The following PCDHGA2 variants were observed in gnomAD, a reference collection of about 807,000 sequenced individuals.
PCDHGA2 encodes protocadherin gamma subfamily A, 2, also known as protocadherin gamma-A2.
Under a neutral mutation model 59.2 loss-of-function variants are expected in PCDHGA2, and 40 were observed. That is an observed-to-expected ratio of 0.68 (90% confidence interval 0.52 to 0.88). PCDHGA2 has a LOEUF of 0.88. Ranked by LOEUF, PCDHGA2 falls within the 40% of genes least tolerant of loss-of-function variation. PCDHGA2 has a pLI of 0.00. For synonymous variants in PCDHGA2, 560 were observed against 526.0 expected (o/e 1.06, Z -0.89); for missense variants, 1,226 against 1,204.0 (o/e 1.02, Z -0.27).
chr5:141,343,199 C>T, intron 1 of PCDHGA2: 2 of 633,532 alleles, frequency 3.2e-6, no homozygotes, highest in Non-Finnish European at 2.0e-6. Context: ...TTGTCTGATG[C>T]CTAATTATGT....
intron 3 of PCDHGA2, among the ~76,000 whole-genome samples, chr5:141,509,262 ACT>A (rs761383166): frequency 9.2e-5 from 14 of 151,714 alleles, no homozygotes; most frequent in Non-Finnish European, 1.9e-4. Flanking sequence ...GGCTTTAGTC[ACT>A]CTCGCTACCC....
intron 2 of PCDHGA2, among the ~76,000 whole-genome samples, chr5:141,500,399 C>T (rs966328306): frequency 1.3e-5 from 2 of 151,806 alleles, no homozygotes; most frequent in South Asian, 2.1e-4. Context: ...TTAGTAGAGA[C>T]GGGGTTTCAC....
intron 1 of PCDHGA2, chr5:141,427,797 G>T: frequency 6.6e-7 from 1 of 1,505,306 alleles, no homozygotes; most frequent in Non-Finnish European, 9.1e-7. Flanking sequence ...CTACGTGTCC[G>T]TGAGCGCACA....
At chr5:141,409,652 A>G in intron 1 of PCDHGA2, 1 of 1,613,654 alleles carries the variant, frequency 6.2e-7, no homozygotes, top group Non-Finnish European at 8.5e-7. Flanking sequence ...TTTGGGGCTC[A>G]ATGGCCACAT....
intron 1 of PCDHGA2, 78 bp downstream of exon 1, chr5:141,341,473 G>C: frequency 1.3e-6 from 2 of 1,589,370 alleles, no homozygotes; most frequent in South Asian, 2.3e-5. Flanking sequence ...TATCTATTTT[G>C]TTCCCCATAT....
At chr5:141,374,630 C>T (rs1273504244) in intron 1 of PCDHGA2, 1 of 1,613,140 alleles carries the variant, frequency 6.2e-7, no homozygotes, top group South Asian at 1.1e-5. Flanking sequence ...AGTGGACGTG[C>T]AAAGCGAAGC....
intron 1 of PCDHGA2, chr5:141,423,301 C>T (rs1489674947): frequency 1.9e-6 from 3 of 1,614,150 alleles, no homozygotes; most frequent in East Asian, 4.5e-5. Flanking sequence ...AGACCTCTCG[C>T]TGTACTTGGT....
At position 141,340,558 on chromosome 5, in the gene PCDHGA2, A is replaced by G; in HGVS notation, c.1587A>G (p.Gln529=). ...SFDYEQLRDL[Q]VWVIARDSGN... ...ATTATGAGCAGTTGCGAGACTTGCAAGTGTGGGTGATAGCGCGGGACAGCG... is the reference window on the plus strand; with the variant it reads ...ATTATGAGCAGTTGCGAGACTTGCAGGTGTGGGTGATAGCGCGGGACAGCG... Residue 529 remains glutamine, a synonymous_variant, in exon 1 of 4, where the codon CAA becomes CAG. Coordinates refer to ENST00000394576, the MANE Select transcript of PCDHGA2 (RefSeq NM_018915.4). The G allele has an allele frequency of 1.2e-6, 2 of 1,614,204 alleles. No homozygotes were observed. Among genetic ancestry groups the G allele is most frequent in the South Asian group, 1.1e-5 (1 of 91,076 alleles).
chr5:141,361,214 C>G, intron 1 of PCDHGA2: 1 of 1,613,912 alleles, frequency 6.2e-7, no homozygotes, highest in Non-Finnish European at 8.5e-7. Context: ...CCGGAGGATT[C>G]GCCACCAGGA....
Position 141,389,843 on chromosome 5 carries a change from G to C in PCDHGA2, c.2424+48448G>C, listed in dbSNP as rs372102656. On this transcript the variant is annotated intron_variant, in intron 1 of 3. Coordinates refer to ENST00000394576, the MANE Select transcript of PCDHGA2 (RefSeq NM_018915.4). The stretch of plus-strand genomic sequence containing the variant: ...GTGACGGTGGACAGCCACCACTCTC[G>C]GCCACTGCCACGTTGCACCTGGTCT... 2.4e-5 allele frequency: 39 copies of C among 1,614,016 alleles called. No homozygotes were observed. The African/African-American group carries it at 4.1e-4, about 17-fold the overall frequency.
chr5:141,425,057 C>T (rs926732426), intron 1 of PCDHGA2, among the ~76,000 whole-genome samples: 4 of 152,026 alleles, frequency 2.6e-5, no homozygotes, highest in African/African-American at 4.8e-5. Flanking sequence ...ATCTAGGGCT[C>T]GGACAAAAAT....
At chr5:141,359,202 T>C (rs115467151) in intron 1 of PCDHGA2, among the ~76,000 whole-genome samples, 2 of 152,140 alleles carry the variant, frequency 1.3e-5, no homozygotes, top group African/African-American at 4.8e-5. Context: ...CAAGTGAATG[T>C]TGAGAGACAA....
intron 1 of PCDHGA2, among the ~76,000 whole-genome samples, chr5:141,473,990 G>A (rs988540565): frequency 2.0e-5 from 3 of 152,130 alleles, no homozygotes; most frequent in African/African-American, 7.2e-5. Flanking sequence ...GATCCCTTGA[G>A]CCCAAGGAGC....
Position 141,477,148 on chromosome 5 carries a change from T to A in PCDHGA2, c.2425-17659T>A. 1 of 1,614,172 alleles carries A rather than the reference T, an allele frequency of 6.2e-7. No individual in the cohort carries two copies. Among genetic ancestry groups the A allele is most frequent in the African/African-American group, 1.3e-5 (1 of 75,050 alleles). On this transcript the variant is annotated intron_variant, in intron 1 of 3. Transcript: ENST00000394576. This position sits in a 1 kb window ranked among gnomAD's most constrained non-coding sequence, Gnocchi z 4.9. ...GCAAAGTGTTGGTGGAGGTTGTGGA[T>A]GTGAATGACAACGCCCCGGAGATCA...
At chr5:141,399,833 C>A in intron 1 of PCDHGA2, 1 of 1,613,140 alleles carries the variant, frequency 6.2e-7, no homozygotes, top group Non-Finnish European at 8.5e-7. Context: ...GACGGCTCTG[C>A]GCTCTTCGAT....
chr5:141,365,902 G>A lies in PCDHGA2; in HGVS notation c.2424+24507G>A, dbSNP rs373157726. ...CTCTGAGATCCTTCGACTATGAGCAGTTGAGAGACCTACAGTTGTGGGTGA... is the reference window on the plus strand; with the variant it reads ...CTCTGAGATCCTTCGACTATGAGCAATTGAGAGACCTACAGTTGTGGGTGA... On this transcript the variant is annotated intron_variant, in intron 1 of 3. Coordinates refer to ENST00000394576, the MANE Select transcript of PCDHGA2 (RefSeq NM_018915.4). 22 of 1,614,138 alleles carry A rather than the reference G, an allele frequency of 1.4e-5. No homozygotes were observed. The African/African-American group carries it at 2.9e-4, about 22-fold the overall frequency.
In PCDHGA2 at chr5:141,489,734, A is replaced by G; in HGVS notation, c.2425-5073A>G. The G allele has an allele frequency of 6.2e-7, 1 of 1,614,164 alleles. No individual in the cohort carries two copies. Among genetic ancestry groups the G allele is most frequent in the Non-Finnish European group, 8.5e-7 (1 of 1,180,028 alleles). On this transcript the variant is annotated intron_variant, in intron 1 of 3. Transcript: ENST00000394576. This position sits in a 1 kb window ranked among gnomAD's most constrained non-coding sequence, Gnocchi z 4.5. ...GCCCAGGATCCGGATGTGGGCACCAATACTGTGAGCTTTTACACTCTAAGC... is the reference window on the plus strand; with the variant it reads ...GCCCAGGATCCGGATGTGGGCACCAGTACTGTGAGCTTTTACACTCTAAGC...
chr5:141,350,770 C>G, intron 1 of PCDHGA2: 5 of 1,613,924 alleles, frequency 3.1e-6, no homozygotes, highest in Non-Finnish European at 4.2e-6. Context: ...ACACCATCAA[C>G]CCCAATCAAT....
Position 141,340,857 on chromosome 5 carries a change from C to A in PCDHGA2, c.1886C>A (p.Ala629Glu). Reference sequence around the variant, plus strand: ...CTGCACACGGGCGAGGTGCGCACGGCGCGAGCCCTGCTGGACAGAGACGCG... The same window carrying A: ...CTGCACACGGGCGAGGTGCGCACGGAGCGAGCCCTGCTGGACAGAGACGCG... ...VGLHTGEVRT[A>E]RALLDRDALK... Residue 629 changes from alanine (A) to glutamate (E), a missense_variant, in exon 1 of 4, where the codon GCG becomes GAG. Coordinates refer to ENST00000394576, the MANE Select transcript of PCDHGA2 (RefSeq NM_018915.4). 2 of 1,613,566 alleles carry A rather than the reference C, an allele frequency of 1.2e-6. No homozygotes were observed. The highest frequency in any genetic ancestry group is 2.2e-5 in the South Asian group (2 of 91,042).
Sources: gnomAD v4.1 joint callset for allele counts (sites outside exome capture counted in the v4.1 genomes callset) on GRCh38, gnomAD v4.1.1 for gene constraint, Gnocchi (gnomAD v3.1) non-coding constraint, MANE v1.5 for transcripts, NCBI Gene and HGNC (gene_info 2026-07-23, HGNC 2026-07-21) for gene names.